The following PTCD2 variants were observed in gnomAD, a reference collection of about 807,000 sequenced individuals.
The protein encoded by PTCD2 is pentatricopeptide repeat domain 2.
A neutral mutation model predicts 42.6 loss-of-function variants in PTCD2; 31 were observed. That is an observed-to-expected ratio of 0.73 (90% CI 0.55 to 0.98). PTCD2 has a LOEUF of 0.98. Among genes scored for constraint, PTCD2 ranks in the 50% least tolerant of loss-of-function variants. The pLI is 0.00. For missense variants in PTCD2, 476 were observed against 454.8 expected, an observed-to-expected ratio of 1.05 and a Z score of -0.42; for synonymous variants, 183 against 170.9, an observed-to-expected ratio of 1.07 and a Z score of -0.55.
In PTCD2 at chr5:72,327,219, T is replaced by C. The variant is rs188742166; in HGVS notation, c.350+478T>C. Reference sequence around the variant, plus strand: ...TTCCTCTCTCTATCTCCGTTAGCAGTGTCTTAGTTCACGCTTTAATGTCTC... The same window carrying C: ...TTCCTCTCTCTATCTCCGTTAGCAGCGTCTTAGTTCACGCTTTAATGTCTC... On this transcript the variant is annotated intron_variant, in intron 3 of 9. Transcript: ENST00000380639. Among the ~76,000 whole-genome samples the C allele has an allele frequency of 3.3e-5, 5 of 152,310 alleles. No individual in the cohort carries two copies. In the East Asian group the frequency reaches 9.7e-4, roughly 29 times the overall value.
intron 6 of PTCD2, among the ~76,000 whole-genome samples, chr5:72,336,727 A>C (rs1176063994): frequency 1.3e-5 from 2 of 151,894 alleles, no homozygotes; most frequent in Non-Finnish European, 2.9e-5. Flanking sequence ...AAAAAAAAAA[A>C]AAAGTTATTT....
rs1753239162 is a variant in PTCD2, at chr5:72,367,941, C to CT, written c.*9515dup. 6.6e-6 allele frequency: 1 copy of CT among 152,220 alleles called. No homozygotes were observed. The highest frequency in any genetic ancestry group is 6.5e-5 in the Admixed American group (1 of 15,286). The allele number at this position is 152,220 out of a possible 1,614,324, so 9.4% of individuals were successfully genotyped here. A position where few individuals can be genotyped will look rare whatever the true frequency, so the allele number is the denominator to read the frequency against. On this transcript the variant is annotated 3_prime_UTR_variant, in exon 10 of 10. Transcript: ENST00000380639. The stretch of plus-strand genomic sequence containing the variant: ...GAACCAATTGAGTGGCTCTGGGCTC[C>CT]TATACCCCTTTCATTCCACAGCCTG...
chr5:72,350,415 CA>C (rs1315364798), intron 8 of PTCD2, among the ~76,000 whole-genome samples: 1 of 152,188 alleles, frequency 6.6e-6, no homozygotes, highest in East Asian at 1.9e-4. Context: ...AAGTTGCTTT[CA>C]AGAGAGGAAC....
rs1751438009 is a variant in PTCD2, at chr5:72,331,492, G to C, written c.468+117G>C. ...AGATTTTCAAAGAAAGGCTGCTGGG[G>C]CTGAATGAGCACATCTCTGCATTTT... On this transcript the variant is annotated intron_variant, in intron 4 of 9. Transcript: ENST00000380639. 3.9e-6 allele frequency: 3 copies of C among 766,648 alleles called. No homozygotes were observed. In the East Asian group the frequency reaches 7.5e-5, roughly 19 times the overall value. 47.5% of individuals were successfully genotyped at this position (766,648 alleles called of 1,614,324 possible).
intron 8 of PTCD2, among the ~76,000 whole-genome samples, chr5:72,343,654 G>A (rs970622985): frequency 1.3e-5 from 2 of 152,088 alleles, no homozygotes; most frequent in African/African-American, 4.8e-5. Flanking sequence ...ATATCACCAA[G>A]ACATGCAAAA....
chr5:72,326,476 C>G, intron 2 of PTCD2, 136 bp from the exon 3 acceptor site: 1 of 832,212 alleles, frequency 1.2e-6, no homozygotes, highest in Non-Finnish European at 1.9e-6. Flanking sequence ...CCAGTGATGG[C>G]AGCTGTGTGT....
intron 7 of PTCD2, among the ~76,000 whole-genome samples, chr5:72,339,283 C>T (rs1343707934): frequency 1.3e-5 from 2 of 152,336 alleles, no homozygotes; most frequent in Middle Eastern, 3.4e-3. Flanking sequence ...AGAGCTGAAA[C>T]CCTGGAACAC....
chr5:72,354,636 G>A (rs1174170634), intron 9 of PTCD2, among the ~76,000 whole-genome samples: 1 of 152,130 alleles, frequency 6.6e-6, no homozygotes, highest in Non-Finnish European at 1.5e-5. Flanking sequence ...TGAGGAAATG[G>A]GCGCTATCAT....
At position 72,361,909 on chromosome 5, in the gene PTCD2, A is replaced by G. The variant is rs868404247; in HGVS notation, c.*3482A>G. The stretch of plus-strand genomic sequence containing the variant: ...TCTCACCTGGTTAGGTGAACTCCCC[A>G]TGTGCCCCATGTACCTCATTTATCA... On this transcript the variant is annotated 3_prime_UTR_variant, in exon 10 of 10. Coordinates refer to ENST00000380639, the MANE Select transcript of PTCD2 (RefSeq NM_024754.5). 1 of 152,342 alleles carries G rather than the reference A, an allele frequency of 6.6e-6. No homozygotes were observed. The highest frequency in any genetic ancestry group is 2.1e-4 in the South Asian group (1 of 4,826). 9.4% of individuals were successfully genotyped at this position (152,342 alleles called of 1,614,324 possible). A position where few individuals can be genotyped will look rare whatever the true frequency, so the allele number is the denominator to read the frequency against.
At chr5:72,344,345 CT>C (rs1367834543) in intron 8 of PTCD2, among the ~76,000 whole-genome samples, 3 of 152,124 alleles carry the variant, frequency 2.0e-5, no homozygotes, top group Admixed American at 6.5e-5. Flanking sequence ...AACCCCATCT[CT>C]ACCAAAATAC....
chr5:72,345,080 G>A (rs1219464218), intron 8 of PTCD2, among the ~76,000 whole-genome samples: 2 of 152,158 alleles, frequency 1.3e-5, no homozygotes, highest in Non-Finnish European at 2.9e-5. Context: ...AAGCCTGGGA[G>A]CGCTACGGGA....
intron 4 of PTCD2, among the ~76,000 whole-genome samples, chr5:72,332,567 A>G (rs944087191): frequency 6.6e-6 from 1 of 152,228 alleles, no homozygotes; most frequent in Admixed American, 6.5e-5. Context: ...CAGTTAAAGG[A>G]AAACAAAAGC....
At chr5:72,320,540 G>A (rs1238824063) in intron 1 of PTCD2, 31 bp downstream of exon 1, 3 of 1,612,020 alleles carry the variant, frequency 1.9e-6, no homozygotes, top group South Asian at 1.1e-5. Context: ...GGGAAGGAGG[G>A]GAGGGATGGG....
chr5:72,342,485 T>TGAAG (rs1752122312), intron 7 of PTCD2, among the ~76,000 whole-genome samples: 1 of 152,236 alleles, frequency 6.6e-6, no homozygotes, highest in Non-Finnish European at 1.5e-5. Flanking sequence ...GGTTGTGCCC[T>TGAAG]TACCTTTGAG....
At chr5:72,330,581 A>T (rs1300952660) in intron 3 of PTCD2, among the ~76,000 whole-genome samples, 1 of 152,208 alleles carries the variant, frequency 6.6e-6, no homozygotes, top group African/African-American at 2.4e-5. Flanking sequence ...AGAATTGGTT[A>T]TTGAAAGTAA....
intron 1 of PTCD2, chr5:72,321,356 C>T (rs1750834989): frequency 6.6e-6 from 1 of 152,152 alleles, no homozygotes; most frequent in Admixed American, 6.5e-5. Flanking sequence ...TTCTTTTCTC[C>T]ATTTACAGAG....
At position 72,358,507 on chromosome 5, in the gene PTCD2, A is replaced by G; in HGVS notation, c.*80A>G. The G allele has an allele frequency of 1.0e-6, 1 of 972,316 alleles. No homozygotes were observed. 60.2% of individuals were successfully genotyped at this position (972,316 alleles called of 1,614,324 possible). On this transcript the variant is annotated 3_prime_UTR_variant, in exon 10 of 10. Transcript: ENST00000380639. ...CCTTTCCTAAGAAGCCAGGTATCGC[A>G]CTTCAGCAGACAGTGTGCTGACACT...
At chr5:72,344,720 A>G (rs918863584) in intron 8 of PTCD2, among the ~76,000 whole-genome samples, 2 of 152,108 alleles carry the variant, frequency 1.3e-5, no homozygotes, top group African/African-American at 4.8e-5. Context: ...AGTACAAAAG[A>G]GAGAAATTTT....
intron 7 of PTCD2, among the ~76,000 whole-genome samples, 195 bp downstream of exon 7, chr5:72,338,930 G>A (rs1203060750): frequency 6.6e-6 from 1 of 152,070 alleles, no homozygotes. Flanking sequence ...TTACAGTTGG[G>A]GACCTAACAT....
Sources: allele counts gnomAD v4.1 joint callset (sites outside exome capture counted in the v4.1 genomes callset), GRCh38; gene constraint gnomAD v4.1.1; transcripts MANE v1.5; gene names NCBI Gene and HGNC (gene_info 2026-07-23, HGNC 2026-07-21).